Variants in ZNG1B observed in about 807,000 individuals in gnomAD.
ZNG1B encodes Zn regulated GTPase metalloprotein activator 1B.
At chr2:113,455,658 G>A in the ZNG1B span, 1 of 1,285,654 alleles carries the variant, frequency 7.8e-7, no homozygotes, top group Non-Finnish European at 1.0e-6. Flanking sequence ...TTTCTTAGAA[G>A]TTTAAATTCA....
chr2:113,477,352 A>G, the ZNG1B span, among the ~76,000 whole-genome samples: 109 of 152,220 alleles, frequency 7.2e-4, no homozygotes, highest in African/African-American at 2.6e-3. Flanking sequence ...TTCCCAAGTG[A>G]GGCAATGCCT....
chr2:113,446,499 C>A, the ZNG1B span, among the ~76,000 whole-genome samples: 31 of 152,266 alleles, frequency 2.0e-4, no homozygotes, highest in Middle Eastern at 3.4e-3. Context: ...GTAATCCCAG[C>A]ACTTTGGAAG....
the ZNG1B span, among the ~76,000 whole-genome samples, chr2:113,448,101 GTC>G: frequency 6.6e-6 from 1 of 152,162 alleles, no homozygotes; most frequent in African/African-American, 2.4e-5. Flanking sequence ...AGGAATCACT[GTC>G]TATGGTAGCT....
At chr2:113,493,295 C>G in the ZNG1B span, among the ~76,000 whole-genome samples, 1 of 133,062 alleles carries the variant, frequency 7.5e-6, no homozygotes, top group Non-Finnish European at 1.6e-5. Context: ...ATTTTTTTGA[C>G]CCTTATTTTC....
At chr2:113,455,655 G>A in the ZNG1B span, 1 of 1,286,390 alleles carries the variant, frequency 7.8e-7, no homozygotes, top group Non-Finnish European at 1.0e-6. Context: ...TAATTTCTTA[G>A]AAGTTTAAAT....
At chr2:113,442,909 ATAGTT>A in the ZNG1B span, among the ~76,000 whole-genome samples, 1 of 152,018 alleles carries the variant, frequency 6.6e-6, no homozygotes, top group Non-Finnish European at 1.5e-5. Context: ...CATTTCAAAT[ATAGTT>A]TATTCTTTCT....
At chr2:113,442,412 TA>T in the ZNG1B span, among the ~76,000 whole-genome samples, 1 of 152,222 alleles carries the variant, frequency 6.6e-6, no homozygotes, top group African/African-American at 2.4e-5. Context: ...TAAAATGTAC[TA>T]TTTTTTTTCA....
chr2:113,475,247 C>T, the ZNG1B span, among the ~76,000 whole-genome samples: 1 of 150,234 alleles, frequency 6.7e-6, no homozygotes, highest in South Asian at 2.1e-4. Context: ...TATGTAATGG[C>T]CTTCTTTGTC....
the ZNG1B span, chr2:113,460,635 G>T: frequency 6.4e-7 from 1 of 1,574,746 alleles, no homozygotes; most frequent in African/African-American, 1.3e-5. Flanking sequence ...ATTTTTTATT[G>T]TATTATAGTA....
the ZNG1B span, among the ~76,000 whole-genome samples, chr2:113,474,837 T>C: frequency 1.3e-5 from 2 of 151,856 alleles, no homozygotes; most frequent in African/African-American, 2.4e-5. Flanking sequence ...AGTTTGATTG[T>C]ACTGTGGTCT....
chr2:113,490,624 C>T, the ZNG1B span, among the ~76,000 whole-genome samples: 1 of 152,180 alleles, frequency 6.6e-6, no homozygotes, highest in East Asian at 1.9e-4. Flanking sequence ...TCCAAATAAG[C>T]TCAATAAGAA....
chr2:113,488,961 A>C, the ZNG1B span, among the ~76,000 whole-genome samples: 8 of 144,882 alleles, frequency 5.5e-5, no homozygotes, highest in Admixed American at 2.1e-4. Flanking sequence ...ATAATTGAGG[A>C]AAACTTCCCC....
chr2:113,455,687 C>G, the ZNG1B span: 2 of 1,198,158 alleles, frequency 1.7e-6, no homozygotes, highest in Non-Finnish European at 2.2e-6. Context: ...AAATTAGTGT[C>G]TGTTTTGTAT....
At chr2:113,461,221 ATTTT>A in the ZNG1B span, among the ~76,000 whole-genome samples, 1 of 149,310 alleles carries the variant, frequency 6.7e-6, no homozygotes, top group African/African-American at 2.5e-5. Flanking sequence ...TAATTTTTGC[ATTTT>A]TTTTTAAATT....
At chr2:113,454,689 T>A in the ZNG1B span, 1 of 1,546,662 alleles carries the variant, frequency 6.5e-7, no homozygotes, top group East Asian at 2.3e-5. Flanking sequence ...GTTGCACAAA[T>A]ATTAATAAAC....
chr2:113,455,667 C>G, the ZNG1B span: 25 of 1,282,264 alleles, frequency 1.9e-5, no homozygotes, highest in African/African-American at 3.5e-4. Flanking sequence ...AGTTTAAATT[C>G]AGTGTTTAAA....
the ZNG1B span, among the ~76,000 whole-genome samples, chr2:113,464,351 T>TA: frequency 9.4e-6 from 1 of 106,002 alleles, no homozygotes; most frequent in Non-Finnish European, 1.9e-5. Flanking sequence ...AGAATCATTA[T>TA]ATGTGGGAAG....
the ZNG1B span, among the ~76,000 whole-genome samples, chr2:113,477,079 A>G: frequency 6.6e-6 from 1 of 152,126 alleles, no homozygotes; most frequent in Non-Finnish European, 1.5e-5. Context: ...TTGTTTACCT[A>G]AGCAAGCCTG....
At chr2:113,455,408 T>C in the ZNG1B span, 3 of 399,860 alleles carry the variant, frequency 7.5e-6, no homozygotes, top group Non-Finnish European at 9.9e-6. Context: ...TAAGATCAAG[T>C]GTAAAAGACA....
Sources: allele counts gnomAD v4.1 joint callset (sites outside exome capture counted in the v4.1 genomes callset), GRCh38; gene constraint gnomAD v4.1.1; transcripts MANE v1.5; gene names NCBI Gene and HGNC (gene_info 2026-07-23, HGNC 2026-07-21).